THSD4: variants seen among roughly 807,000 people sequenced by gnomAD.
THSD4 encodes the protein thrombospondin type-1 domain-containing protein 4.
Under a neutral mutation model 119.0 loss-of-function variants are expected in THSD4, and 69 were observed. That is an observed-to-expected ratio of 0.58 (90% CI 0.48 to 0.71). THSD4 has a LOEUF of 0.71. THSD4 is among the 30% of genes least tolerant of loss of function. The probability of loss-of-function intolerance (pLI) is 0.00; values close to 1 mark genes in which losing one functional copy is unlikely to be tolerated. For synonymous variants in THSD4, 524 were observed against 540.4 expected (o/e 0.97, Z 0.42); for missense variants, 1,393 against 1,391.1 (o/e 1.00, Z -0.02).
chr15:71,254,827 G>T (rs190441038), intron 5 of THSD4, among the ~76,000 whole-genome samples: 95 of 152,212 alleles, frequency 6.2e-4, no homozygotes, highest in African/African-American at 2.2e-3. Context: ...TGGCCTGTCC[G>T]CCTCTCCCTG....
chr15:71,368,056 G>A (rs1230024700), intron 6 of THSD4, among the ~76,000 whole-genome samples: 4 of 152,126 alleles, frequency 2.6e-5, no homozygotes, highest in African/African-American at 7.2e-5. Flanking sequence ...ATTTTTTCAT[G>A]TGTCTTTTGG....
chr15:71,272,500 A>C (rs930537767), intron 6 of THSD4, among the ~76,000 whole-genome samples: 1 of 151,986 alleles, frequency 6.6e-6, no homozygotes, highest in African/African-American at 2.4e-5. Flanking sequence ...GCCAACAGGT[A>C]TATGTTAAAA....
At chr15:71,255,317 CA>C (rs1184284461) in intron 5 of THSD4, among the ~76,000 whole-genome samples, 1 of 152,168 alleles carries the variant, frequency 6.6e-6, no homozygotes, top group East Asian at 1.9e-4. Context: ...ACTTTATCCA[CA>C]ATATGAATTA....
chr15:71,580,085 G>A (rs527316424), intron 7 of THSD4, among the ~76,000 whole-genome samples: 2 of 152,198 alleles, frequency 1.3e-5, no homozygotes, highest in African/African-American at 2.4e-5. Flanking sequence ...TTTCAAAAAA[G>A]AATACATGTA....
intron 6 of THSD4, among the ~76,000 whole-genome samples, chr15:71,308,583 T>G (rs769089155): frequency 6.6e-6 from 1 of 152,262 alleles, no homozygotes; most frequent in Non-Finnish European, 1.5e-5. Context: ...TTCATGTGGA[T>G]CAGTTCTTCC....
At chr15:71,445,071 T>C (rs746788804) in intron 7 of THSD4, among the ~76,000 whole-genome samples, 22 of 152,258 alleles carry the variant, frequency 1.4e-4, no homozygotes, top group Non-Finnish European at 2.6e-4. Flanking sequence ...GCCTCTGGGC[T>C]CTGTCCCTAC....
chr15:71,577,891 G>A (rs751878816), intron 7 of THSD4, among the ~76,000 whole-genome samples: 6 of 150,090 alleles, frequency 4.0e-5, no homozygotes, highest in Non-Finnish European at 7.4e-5. Context: ...CTAATTTTTC[G>A]TGTGCGGTTT....
At position 71,737,831 on chromosome 15, in the gene THSD4, C is replaced by T. The variant is rs758923279; in HGVS notation, c.1730C>T (p.Ala577Val). ...NEEKEDLRGE[A>V]PEMFTSESAQ... Reference sequence around the variant, plus strand: ...GAGAAGGAAGACTTGCGTGGGGAGGCCCCTGAGATGTTCACCTCAGAATCG... The same window carrying T: ...GAGAAGGAAGACTTGCGTGGGGAGGTCCCTGAGATGTTCACCTCAGAATCG... Residue 577 changes from alanine to valine, a missense_variant, in exon 11 of 18, where the codon GCC (alanine) becomes GTC (valine). By Grantham distance (64) the Ala-to-Val change is moderately conservative. Transcript: ENST00000261862. The T allele has an allele frequency of 2.5e-6, 4 of 1,614,114 alleles. No homozygotes were observed. The highest frequency in any genetic ancestry group is 1.3e-5 in the African/African-American group (1 of 74,942).
At chr15:71,587,337 A>G (rs113972286) in intron 7 of THSD4, among the ~76,000 whole-genome samples, 19,108 of 110,800 alleles carry the variant, frequency 0.17, 2,075 homozygotes, top group Non-Finnish European at 0.25. Context: ...TGTTTATTGC[A>G]GCACTATTCA....
At chr15:71,542,888 C>CA (rs1295390384) in intron 7 of THSD4, among the ~76,000 whole-genome samples, 2 of 139,756 alleles carry the variant, frequency 1.4e-5, no homozygotes, top group African/African-American at 2.6e-5. Flanking sequence ...AAAAAAAAAA[C>CA]AAAAAAACAA....
Position 71,778,292 on chromosome 15 carries a change from G to A in THSD4, c.*918G>A. 6.6e-6 allele frequency: 1 copy of A among 152,348 alleles called. No individual in the cohort carries two copies. Among genetic ancestry groups the A allele is most frequent in the Non-Finnish European group, 1.5e-5 (1 of 68,076 alleles). The allele number at this position is 152,348 out of a possible 1,614,324, so 9.4% of individuals were successfully genotyped here. A position where few individuals can be genotyped will look rare whatever the true frequency, so the allele number is the denominator to read the frequency against. ...TTGTTTTGGATGTCTGTTCCTACTT[G>A]CCCTTACCCCCAAAGTTACAGATCC... is the stretch of plus-strand genomic sequence containing the variant. On this transcript the variant is annotated 3_prime_UTR_variant, in exon 18 of 18. Transcript: ENST00000261862.
At chr15:71,583,948 G>A (rs536356227) in intron 7 of THSD4, among the ~76,000 whole-genome samples, 24 of 152,260 alleles carry the variant, frequency 1.6e-4, no homozygotes, top group African/African-American at 5.3e-4. Context: ...CAAGTCCACT[G>A]TTCCTTATGG....
chr15:71,401,176 T>C (rs996332140), intron 6 of THSD4, among the ~76,000 whole-genome samples: 3 of 152,296 alleles, frequency 2.0e-5, no homozygotes, highest in Non-Finnish European at 2.9e-5. Flanking sequence ...CTCAACACTT[T>C]AGCAATATTT....
At chr15:71,102,233 C>T (rs904879076) in intron 1 of THSD4, among the ~76,000 whole-genome samples, 3 of 152,072 alleles carry the variant, frequency 2.0e-5, no homozygotes, top group African/African-American at 7.2e-5. Flanking sequence ...TTGGGATTCA[C>T]TGAGTTTCTT....
intron 6 of THSD4, among the ~76,000 whole-genome samples, chr15:71,257,151 G>A (rs896482836): frequency 1.3e-5 from 2 of 152,228 alleles, no homozygotes; most frequent in African/African-American, 4.8e-5. Flanking sequence ...CCTGTAGGGG[G>A]CCTCACATGC....
At chr15:71,716,095 C>T (rs72744642) in intron 8 of THSD4, among the ~76,000 whole-genome samples, 2 of 152,284 alleles carry the variant, frequency 1.3e-5, no homozygotes, top group South Asian at 2.1e-4. Flanking sequence ...GAATCTGTTC[C>T]GTGACCCTCT....
intron 4 of THSD4, among the ~76,000 whole-genome samples, chr15:71,233,626 G>A (rs915976228): frequency 6.6e-6 from 1 of 152,088 alleles, no homozygotes; most frequent in Non-Finnish European, 1.5e-5. Context: ...CAGCTTCATA[G>A]TACTCCAATA....
intron 6 of THSD4, among the ~76,000 whole-genome samples, chr15:71,325,594 A>G (rs1054063742): frequency 6.6e-6 from 1 of 152,218 alleles, no homozygotes; most frequent in Admixed American, 6.5e-5. Context: ...CTGGAATTCA[A>G]GTCAGAGTAC....
chr15:71,609,361 A>G (rs1238312484), intron 7 of THSD4, among the ~76,000 whole-genome samples: 3 of 152,214 alleles, frequency 2.0e-5, no homozygotes, highest in African/African-American at 4.8e-5. Context: ...CTCTTAGCTC[A>G]GCCCTGTCCC....
Sources: gnomAD v4.1 joint callset for allele counts (sites outside exome capture counted in the v4.1 genomes callset) on GRCh38, gnomAD v4.1.1 for gene constraint, MANE v1.5 for transcripts, NCBI Gene and HGNC (gene_info 2026-07-23, HGNC 2026-07-21) for gene names.